The following MAST4 variants were observed in gnomAD, a reference collection of about 807,000 sequenced individuals.
MAST4 encodes the protein microtubule associated serine/threonine kinase family member 4.
Under a neutral mutation model 162.7 loss-of-function variants are expected in MAST4, and 89 were observed. That is an observed-to-expected ratio of 0.55 (90% CI 0.46 to 0.65). The LOEUF (loss-of-function observed/expected upper bound fraction) is 0.65. Among genes scored for constraint, MAST4 ranks in the 30% least tolerant of loss-of-function variants. The pLI is 0.00. For missense variants in MAST4, 3,153 were observed against 3,374.0 expected (o/e 0.93, Z 1.62); for synonymous variants, 1,479 against 1,361.1 (o/e 1.09, Z -1.91).
At chr5:66,849,142 G>T (rs1177960751) in intron 3 of MAST4, among the ~76,000 whole-genome samples, 1 of 152,096 alleles carries the variant, frequency 6.6e-6, no homozygotes, top group Non-Finnish European at 1.5e-5. Flanking sequence ...GTGATGAGGG[G>T]GTCATAAGCC....
At chr5:66,927,250 CTG>C (rs1363840111) in intron 4 of MAST4, among the ~76,000 whole-genome samples, 1 of 152,204 alleles carries the variant, frequency 6.6e-6, no homozygotes, top group Non-Finnish European at 1.5e-5. Context: ...ATAGAATACA[CTG>C]AGATATTTGA....
At chr5:67,024,458 A>C (rs1443445003) in intron 4 of MAST4, among the ~76,000 whole-genome samples, 1 of 151,376 alleles carries the variant, frequency 6.6e-6, no homozygotes, top group Non-Finnish European at 1.5e-5. Context: ...TGTGCTCAAA[A>C]TGTGGGGTGT....
chr5:67,102,579 A>G lies in MAST4; in HGVS notation c.1114A>G (p.Met372Val). The change falls in exon 9 of 29, where the codon ATG becomes GTG. Residue 372 changes from methionine (M) to valine (V), a missense_variant. This residue lies in a region of MAST4 where 360 missense variants were observed against 450.0 expected (regional missense o/e 0.80). Transcript: ENST00000403625. The stretch of plus-strand genomic sequence containing the variant: ...CTGCTGTGACCATGAAATAATTATG[A>G]TGAACCATGTCTACAAAGAAAGGTT... ...PACCDHEIIM[M>V]NHVYKERFPK... The G allele has an allele frequency of 6.2e-7, 1 of 1,614,004 alleles. No homozygotes were observed. The highest frequency in any genetic ancestry group is 1.6e-4 in the Middle Eastern group (1 of 6,062).
Position 67,074,894 on chromosome 5 carries a change from A to G in MAST4, c.764-15268A>G, listed in dbSNP as rs1242288095. ...TTTAAAGGTGAGCAGTTCTTTTCCT[A>G]TGGATTTTAAACGTTTCACCAGAAA... is the stretch of plus-strand genomic sequence containing the variant. On this transcript the variant is annotated intron_variant, in intron 5 of 28. Transcript: ENST00000403625. 3.3e-5 allele frequency among the ~76,000 whole-genome samples: 5 copies of G among 152,276 alleles called. No individual in the cohort carries two copies. The East Asian group carries it at 9.6e-4, about 29-fold the overall frequency.
chr5:66,845,663 G>T (rs1451556928), intron 3 of MAST4, among the ~76,000 whole-genome samples: 1 of 152,026 alleles, frequency 6.6e-6, no homozygotes, highest in African/African-American at 2.4e-5. Flanking sequence ...TGTATTTCTA[G>T]TTCTCGATCC....
intron 3 of MAST4, among the ~76,000 whole-genome samples, chr5:66,848,068 T>C (rs1759017391): frequency 6.6e-6 from 1 of 152,142 alleles, no homozygotes; most frequent in Non-Finnish European, 1.5e-5. Context: ...TCACTGTGAT[T>C]TGGGTATTTT....
chr5:67,160,200 G>A (rs1303668807), intron 26 of MAST4, among the ~76,000 whole-genome samples: 1 of 152,168 alleles, frequency 6.6e-6, no homozygotes, highest in Non-Finnish European at 1.5e-5. Flanking sequence ...GTAGCAGCCT[G>A]GTAAGGGCAC....
intron 1 of MAST4, among the ~76,000 whole-genome samples, chr5:66,736,031 G>A (rs1752131667): frequency 6.6e-6 from 1 of 152,170 alleles, no homozygotes. Context: ...TGGGGGATCT[G>A]GAGAAGTTAT....
At chr5:66,720,003 A>G (rs1186107244) in intron 1 of MAST4, among the ~76,000 whole-genome samples, 1 of 152,214 alleles carries the variant, frequency 6.6e-6, no homozygotes, top group Non-Finnish European at 1.5e-5. Flanking sequence ...GTTCAAATGT[A>G]ATAATAGTAA....
At chr5:66,938,696 G>A (rs887267238) in intron 4 of MAST4, among the ~76,000 whole-genome samples, 4 of 152,208 alleles carry the variant, frequency 2.6e-5, no homozygotes, top group Non-Finnish European at 5.9e-5. Flanking sequence ...ATATGAGGAA[G>A]AGTAACACCC....
chr5:66,943,925 C>T (rs1743661992), intron 4 of MAST4, among the ~76,000 whole-genome samples: 1 of 152,060 alleles, frequency 6.6e-6, no homozygotes, highest in Admixed American at 6.6e-5. Flanking sequence ...GAGTCAATTT[C>T]CATTTTTAAG....
intron 4 of MAST4, among the ~76,000 whole-genome samples, chr5:67,013,183 T>TG (rs1365101642): frequency 5.9e-5 from 9 of 152,222 alleles, no homozygotes; most frequent in African/African-American, 2.2e-4. Context: ...TCTTGACATC[T>TG]GGTAGGCCAA....
chr5:66,753,103 C>T (rs531951372), intron 1 of MAST4, among the ~76,000 whole-genome samples: 3 of 151,664 alleles, frequency 2.0e-5, no homozygotes, highest in South Asian at 2.1e-4. Flanking sequence ...TTGAAACCAA[C>T]GAGAACAAAG....
chr5:67,079,493 A>C (rs1379345383), intron 5 of MAST4, among the ~76,000 whole-genome samples: 12 of 152,126 alleles, frequency 7.9e-5, no homozygotes, highest in Admixed American at 3.9e-4. Flanking sequence ...AGGACTGGGC[A>C]TGGGGAGGTG....
At chr5:67,112,248 TAGA>T (rs1245399785) in intron 11 of MAST4, among the ~76,000 whole-genome samples, 6 of 152,178 alleles carry the variant, frequency 3.9e-5, no homozygotes, top group Non-Finnish European at 7.3e-5. Context: ...CCTTTGGGCA[TAGA>T]GGAAAAACCA....
intron 1 of MAST4, among the ~76,000 whole-genome samples, chr5:66,676,363 A>G (rs1028071317): frequency 2.6e-5 from 4 of 152,220 alleles, no homozygotes; most frequent in Non-Finnish European, 5.9e-5. Flanking sequence ...CTTGGGGCCA[A>G]CTAGGCTCTT....
At chr5:66,893,665 C>A (rs1027295632) in intron 3 of MAST4, among the ~76,000 whole-genome samples, 1 of 152,082 alleles carries the variant, frequency 6.6e-6, no homozygotes, top group Non-Finnish European at 1.5e-5. Context: ...CTCACATTTC[C>A]CACAAGGATT....
chr5:67,056,115 A>G (rs1490536150), intron 5 of MAST4, among the ~76,000 whole-genome samples: 1 of 151,612 alleles, frequency 6.6e-6, no homozygotes, highest in Non-Finnish European at 1.5e-5. Context: ...GCCTAAAGCA[A>G]AACATGGTAA....
intron 5 of MAST4, among the ~76,000 whole-genome samples, chr5:67,082,285 A>G (rs531450664): frequency 6.6e-6 from 1 of 151,168 alleles, no homozygotes; most frequent in Non-Finnish European, 1.5e-5. Flanking sequence ...AGTAGCTGGG[A>G]CTACAGGCAC....
Sources: gnomAD v4.1 joint callset for allele counts (sites outside exome capture counted in the v4.1 genomes callset) on GRCh38, gnomAD v4.1.1 for gene constraint, gnomAD v4.1.1 regional missense constraint, MANE v1.5 for transcripts, NCBI Gene and HGNC (gene_info 2026-07-23, HGNC 2026-07-21) for gene names.